Variants in NELL2 observed in about 807,000 individuals in gnomAD.
The protein encoded by NELL2 is neural EGFL like 2.
A neutral mutation model predicts 109.6 loss-of-function variants in NELL2; 41 were observed. That is an observed-to-expected ratio of 0.37 (90% CI 0.29 to 0.49). The LOEUF (loss-of-function observed/expected upper bound fraction) is 0.49, where lower values mean the gene tolerates loss of function less well. NELL2 is among the 20% of genes least tolerant of loss of function. NELL2 has a pLI of 0.98. For missense variants in NELL2, 900 were observed against 1,008.3 expected (o/e 0.89, Z 1.45); for synonymous variants, 355 against 344.7 (o/e 1.03, Z -0.33).
intron 12 of NELL2, among the ~76,000 whole-genome samples, chr12:44,687,504 C>T (rs577790551): frequency 2.0e-5 from 3 of 152,356 alleles, no homozygotes; most frequent in African/African-American, 4.8e-5. Context: ...GCTTCCACTT[C>T]CTATCTCCAA....
At position 44,732,453 on chromosome 12, in the gene NELL2, G is replaced by A. The variant is rs1939419689; in HGVS notation, c.995-17712C>T. On this transcript the variant is annotated intron_variant, in intron 9 of 19. Coordinates refer to ENST00000429094, the MANE Select transcript of NELL2 (RefSeq NM_001145108.2). ...ACAAGAATACTAAGAATACACAATG[G>A]GGAAAAGATAGTCTCTTCAACAAGC... 2.6e-5 allele frequency among the ~76,000 whole-genome samples: 4 copies of A among 151,826 alleles called. No homozygotes were observed. In the South Asian group the frequency reaches 8.3e-4, roughly 31 times the overall value.
chr12:44,571,152 T>A (rs144314732), intron 15 of NELL2, among the ~76,000 whole-genome samples: 41 of 152,304 alleles, frequency 2.7e-4, no homozygotes, highest in African/African-American at 9.9e-4. Context: ...GAGAGGAAAA[T>A]CTACCATGGA....
At chr12:44,683,586 T>TA (rs1444530500) in intron 12 of NELL2, among the ~76,000 whole-genome samples, 2 of 152,118 alleles carry the variant, frequency 1.3e-5, no homozygotes, top group Non-Finnish European at 2.9e-5. Context: ...TATTTTGAGA[T>TA]ACGTCCCATC....
intron 15 of NELL2, among the ~76,000 whole-genome samples, chr12:44,544,027 T>C (rs964070445): frequency 1.3e-5 from 2 of 152,030 alleles, no homozygotes; most frequent in African/African-American, 4.8e-5. Flanking sequence ...TTAACCTTCA[T>C]AATACAAAAA....
chr12:44,916,607 C>A (rs1945830969), upstream of NELL2, among the ~76,000 whole-genome samples: 1 of 152,156 alleles, frequency 6.6e-6, no homozygotes, highest in Non-Finnish European at 1.5e-5. Context: ...CTCCTCATTG[C>A]ATCCATCATT....
intron 2 of NELL2, among the ~76,000 whole-genome samples, chr12:44,820,470 G>C (rs978291111): frequency 2.0e-5 from 3 of 152,048 alleles, no homozygotes; most frequent in African/African-American, 7.2e-5. Context: ...TTAGCCAGGC[G>C]TGGTGATGGG....
rs1948556184 is a variant in NELL2, at chr12:44,682,634, T to C, written c.1319-17025A>G. On this transcript the variant is annotated intron_variant, in intron 12 of 19. Transcript: ENST00000429094. ...AGGGATCCAGTTTCAGCTTTTTACA[T>C]ATGGCTACCCAGTTTCCCCAGCACC... 4.6e-5 allele frequency among the ~76,000 whole-genome samples: 7 copies of C among 152,258 alleles called. No homozygotes were observed. The South Asian group carries it at 1.4e-3, about 32-fold the overall frequency.
chr12:44,625,024 A>ATTTC, intron 13 of NELL2, among the ~76,000 whole-genome samples: 1 of 141,276 alleles, frequency 7.1e-6, no homozygotes, highest in Non-Finnish European at 1.5e-5. Context: ...ATATATATAT[A>ATTTC]TATATATATT....
chr12:44,628,896 T>C (rs1044354421), intron 13 of NELL2, among the ~76,000 whole-genome samples: 1 of 152,206 alleles, frequency 6.6e-6, no homozygotes, highest in East Asian at 1.9e-4. Context: ...TTTGTCTATA[T>C]GTCATAATTC....
chr12:44,557,170 C>G (rs953280179), intron 15 of NELL2, among the ~76,000 whole-genome samples: 5 of 152,156 alleles, frequency 3.3e-5, no homozygotes, highest in Non-Finnish European at 5.9e-5. Flanking sequence ...GGGCCCCCCA[C>G]CTCTGCTTTG....
intron 1 of NELL2, among the ~76,000 whole-genome samples, chr12:44,895,217 A>C (rs1945579512): frequency 6.6e-6 from 1 of 152,184 alleles, no homozygotes; most frequent in African/African-American, 2.4e-5. Flanking sequence ...TGGTGTCAGA[A>C]GAGCATCTAT....
chr12:44,602,354 G>A (rs749916926), intron 15 of NELL2, among the ~76,000 whole-genome samples: 1 of 152,062 alleles, frequency 6.6e-6, no homozygotes. Flanking sequence ...ATCTTCCCTT[G>A]TAAAATTAAG....
chr12:44,584,533 A>G (rs1319139416), intron 15 of NELL2, among the ~76,000 whole-genome samples: 2 of 152,162 alleles, frequency 1.3e-5, no homozygotes, highest in African/African-American at 4.8e-5. Flanking sequence ...CCTGAGCCTT[A>G]TTTATGCAGT....
chr12:44,764,572 A>C (rs1348966476), intron 9 of NELL2, among the ~76,000 whole-genome samples: 1 of 152,168 alleles, frequency 6.6e-6, no homozygotes, highest in Non-Finnish European at 1.5e-5. Flanking sequence ...CTCCATTCAA[A>C]CTAATTTTCT....
intron 12 of NELL2, among the ~76,000 whole-genome samples, chr12:44,676,584 G>A (rs1948328419): frequency 6.6e-6 from 1 of 152,006 alleles, no homozygotes; most frequent in Non-Finnish European, 1.5e-5. Flanking sequence ...CCACAAATTT[G>A]CTTCATTCAT....
At chr12:44,596,360 G>A (rs1944963451) in intron 15 of NELL2, among the ~76,000 whole-genome samples, 1 of 152,162 alleles carries the variant, frequency 6.6e-6, no homozygotes, top group African/African-American at 2.4e-5. Context: ...TAATATGACA[G>A]TCCTAGAAAT....
chr12:44,858,740 C>T (rs1391394268), intron 2 of NELL2, among the ~76,000 whole-genome samples: 1 of 152,032 alleles, frequency 6.6e-6, no homozygotes, highest in Admixed American at 6.6e-5. Context: ...TGAAATCTAG[C>T]AAAAGATGAA....
intron 19 of NELL2, among the ~76,000 whole-genome samples, chr12:44,513,003 T>C (rs1036932089): frequency 6.6e-6 from 1 of 151,950 alleles, no homozygotes; most frequent in Non-Finnish European, 1.5e-5. Flanking sequence ...ATGCTTGAGG[T>C]AAAAAATACC....
intron 12 of NELL2, among the ~76,000 whole-genome samples, chr12:44,678,766 C>T (rs1439329647): frequency 1.3e-5 from 2 of 152,068 alleles, no homozygotes; most frequent in Non-Finnish European, 2.9e-5. Flanking sequence ...GAATTAATTG[C>T]TGCCTAGAAG....
Sources: allele counts gnomAD v4.1 joint callset (sites outside exome capture counted in the v4.1 genomes callset), GRCh38; gene constraint gnomAD v4.1.1; transcripts MANE v1.5; gene names NCBI Gene and HGNC (gene_info 2026-07-23, HGNC 2026-07-21).